MACF1: variants seen among roughly 807,000 people sequenced by gnomAD.
The protein encoded by MACF1 is microtubule actin crosslinking factor 1.
MACF1 carries 193 observed loss-of-function variants against 854.8 expected under a neutral mutation model. The ratio of observed to expected loss-of-function variants is 0.23; its 90% CI spans 0.20 to 0.25. The LOEUF (loss-of-function observed/expected upper bound fraction) is 0.25. Ranked by LOEUF, MACF1 falls within the 10% of genes least tolerant of loss-of-function variation. The probability of loss-of-function intolerance (pLI) is 1.00; values close to 1 mark genes in which losing one functional copy is unlikely to be tolerated. For missense variants in MACF1, 7,722 were observed against 8,929.1 expected, an observed-to-expected ratio of 0.86 and a Z score of 5.45; for synonymous variants, 3,185 against 3,226.7, an observed-to-expected ratio of 0.99 and a Z score of 0.44.
intron 97 of MACF1, among the ~76,000 whole-genome samples, chr1:39,471,936 T>A (rs1246541318): frequency 1.3e-5 from 2 of 152,204 alleles, no homozygotes; most frequent in Non-Finnish European, 2.9e-5. Flanking sequence ...CACAGAACTC[T>A]CTTCATCTTG....
intron 2 of MACF1, among the ~76,000 whole-genome samples, chr1:39,130,995 C>T (rs770775706): frequency 4.0e-5 from 6 of 151,624 alleles, no homozygotes; most frequent in African/African-American, 9.7e-5. Flanking sequence ...GCATTACAGA[C>T]GTGTGCCACC....
rs1287287244 is a variant in MACF1 at position 39,388,023 on chromosome 1, G to A, written c.15181G>A (p.Ala5061Thr). 2.5e-6 allele frequency: 4 copies of A among 1,614,020 alleles called. No homozygotes were observed. In the African/African-American group the frequency reaches 4.0e-5, roughly 16 times the overall value. ...KLRAQQEVLQ[A>T]LEPQVDYLRN... is the part of the protein sequence containing the mutation. ...AAGAGCTCAACAGGAAGTGCTGCAGGCCCTAGAGCCTCAGGTAGACTATCT... is the reference window on the plus strand; with the variant it reads ...AAGAGCTCAACAGGAAGTGCTGCAGACCCTAGAGCCTCAGGTAGACTATCT... The change falls in exon 58 of 101, where the codon GCC (alanine) becomes ACC (threonine). Residue 5061 changes from alanine (A) to threonine (T), a missense_variant. Ala to Thr is a moderately conservative substitution (Grantham distance 58). Around this residue, in one of 15 missense-constraint regions of MACF1, gnomAD observed 2,807 missense variants for 3,235.8 expected, o/e 0.87. Transcript: ENST00000564288.
intron 2 of MACF1, among the ~76,000 whole-genome samples, chr1:39,133,334 T>G (rs1438755610): frequency 1.3e-5 from 2 of 152,236 alleles, no homozygotes; most frequent in Non-Finnish European, 2.9e-5. Context: ...CTGATCCATC[T>G]GGAGTGAGAG....
At position 39,422,427 on chromosome 1, in the gene MACF1, T is replaced by C; in HGVS notation, c.15870T>C (p.Asn5290=). The C allele has an allele frequency of 6.2e-7, 1 of 1,614,170 alleles. No individual in the cohort carries two copies. The highest frequency in any genetic ancestry group is 8.5e-7 in the Non-Finnish European group (1 of 1,180,018). Residue 5290 remains asparagine, a synonymous_variant, in exon 59 of 101, where the codon AAT becomes AAC. Transcript: ENST00000564288. ...DPLQMKLQQV[N]GLGQGLIQSA... ...TTCAGATGAAATTGCAGCAGGTGAA[T>C]GGACTTGGCCAGGGATTAATTCAGA...
intron 6 of MACF1, among the ~76,000 whole-genome samples, chr1:39,270,297 G>A (rs1235035753): frequency 6.6e-6 from 1 of 152,184 alleles, no homozygotes; most frequent in Non-Finnish European, 1.5e-5. Flanking sequence ...CTAATTCCAG[G>A]ATTAGAGGAG....
At chr1:39,224,165 G>C (rs1210661595) in intron 1 of MACF1, among the ~76,000 whole-genome samples, 1 of 152,086 alleles carries the variant, frequency 6.6e-6, no homozygotes. Flanking sequence ...TTATTGAAAA[G>C]CTATGGACAT....
At chr1:39,345,820 C>A (rs2148492108) in intron 40 of MACF1, among the ~76,000 whole-genome samples, 1 of 152,160 alleles carries the variant, frequency 6.6e-6, no homozygotes, top group Admixed American at 6.5e-5. Flanking sequence ...GTAATCTCAG[C>A]ACTTTGGGAG....
intron 58 of MACF1, among the ~76,000 whole-genome samples, chr1:39,400,937 G>A (rs1642454573): frequency 6.6e-6 from 1 of 152,108 alleles, no homozygotes; most frequent in African/African-American, 2.4e-5. Flanking sequence ...GAAATTATGA[G>A]GATAAAGTAA....
At chr1:39,407,489 C>T (rs1642757742) in intron 58 of MACF1, among the ~76,000 whole-genome samples, 2 of 152,354 alleles carry the variant, frequency 1.3e-5, no homozygotes, top group Middle Eastern at 3.4e-3. Context: ...GGTGTCAAGA[C>T]ACAACCTAGT....
chr1:39,331,880 G>C lies in MACF1; in HGVS notation c.5292G>C (p.Arg1764=). The C allele has an allele frequency of 6.2e-7, 1 of 1,614,146 alleles. No individual in the cohort carries two copies. The highest frequency in any genetic ancestry group is 8.5e-7 in the Non-Finnish European group (1 of 1,180,016). The change falls in exon 37 of 101, where the codon CGG becomes CGC. Residue 1764 remains arginine (R), a synonymous_variant. Transcript: ENST00000564288. ...TAATAGATAGGCAGGTCACTGTCCG[G>C]TTGCTGGAAGCTCAGCTTTTTGCTG... The part of the protein sequence containing the change: ...EGLIDRQVTV[R]LLEAQLFAGG...
intron 97 of MACF1, among the ~76,000 whole-genome samples, chr1:39,472,071 A>T (rs1043389592): frequency 6.6e-6 from 1 of 152,156 alleles, no homozygotes; most frequent in African/African-American, 2.4e-5. Context: ...GTGGTCAATG[A>T]ACTGAACTTG....
At position 39,223,941 on chromosome 1, in the gene MACF1, T is replaced by C. The variant is rs547658364; in HGVS notation, c.110-7241T>C. The stretch of plus-strand genomic sequence containing the variant: ...AAGGATGGATTACAGCAGGGATATC[T>C]GTCAGAAGCAAGGAGAAAAGAAGAG... On this transcript the variant is annotated intron_variant, in intron 1 of 100. Coordinates refer to ENST00000564288, the MANE Select transcript of MACF1 (RefSeq NM_001394062.1). 2.0e-4 allele frequency among the ~76,000 whole-genome samples: 30 copies of C among 152,314 alleles called. No individual in the cohort carries two copies. The South Asian group carries it at 6.2e-3, about 32-fold the overall frequency.
At chr1:39,475,275 G>C (rs774709475) in intron 97 of MACF1, among the ~76,000 whole-genome samples, 1 of 152,066 alleles carries the variant, frequency 6.6e-6, no homozygotes, top group Non-Finnish European at 1.5e-5. Flanking sequence ...CTGAGCTGTT[G>C]ACAACAGATT....
At chr1:39,322,549 C>G (rs1646533781) in intron 31 of MACF1, 59 bp from the exon 32 acceptor site, 3 of 1,363,448 alleles carry the variant, frequency 2.2e-6, no homozygotes, top group Non-Finnish European at 3.2e-6. Flanking sequence ...TGATTTATTA[C>G]ATGATGTATG....
In MACF1 at chr1:39,385,472, T is replaced by C. The variant is rs896894217; in HGVS notation, c.13887T>C (p.His4629=). 3 of 1,614,190 alleles carry C rather than the reference T, an allele frequency of 1.9e-6. No homozygotes were observed. The highest frequency in any genetic ancestry group is 2.5e-6 in the Non-Finnish European group (3 of 1,180,038). ...LKEFEARRQQ[H]EQLNEAAQGI... ...AATTTGAAGCACGCAGGCAACAGCA[T>C]GAGCAACTGAATGAGGCAGCTCAGG... The change falls in exon 57 of 101, where the codon CAT becomes CAC. Residue 4629 remains histidine, a synonymous_variant. Coordinates refer to ENST00000564288, the MANE Select transcript of MACF1 (RefSeq NM_001394062.1).
intron 2 of MACF1, among the ~76,000 whole-genome samples, chr1:39,247,699 TAAG>T (rs1374092886): frequency 6.6e-6 from 1 of 152,212 alleles, no homozygotes; most frequent in Non-Finnish European, 1.5e-5. Context: ...TGTTTAGACT[TAAG>T]AAAGTGATGG....
chr1:39,408,967 T>G (rs1180374), intron 58 of MACF1, among the ~76,000 whole-genome samples: 3 of 151,662 alleles, frequency 2.0e-5, no homozygotes, highest in African/African-American at 4.8e-5. Context: ...TCGTCCTCCT[T>G]CCTGTGCTCT....
At chr1:39,162,812 A>T (rs1643828625) in intron 2 of MACF1, among the ~76,000 whole-genome samples, 1 of 152,160 alleles carries the variant, frequency 6.6e-6, no homozygotes, top group African/African-American at 2.4e-5. Context: ...ACTGTTTCTA[A>T]AGGCGGGAAC....
intron 65 of MACF1, 36 bp downstream of exon 65, chr1:39,430,104 C>T (rs1447692262): frequency 1.9e-6 from 3 of 1,583,972 alleles, no homozygotes; most frequent in Non-Finnish European, 2.6e-6. Context: ...GAAAAAAAGG[C>T]TTCCTCTTTG....
Sources: gnomAD v4.1 joint callset for allele counts (sites outside exome capture counted in the v4.1 genomes callset) on GRCh38, gnomAD v4.1.1 for gene constraint, gnomAD v4.1.1 regional missense constraint, MANE v1.5 for transcripts, NCBI Gene and HGNC (gene_info 2026-07-23, HGNC 2026-07-21) for gene names.